The following SDK1 variants were observed in gnomAD, a reference collection of about 807,000 sequenced individuals.
SDK1 encodes the protein sidekick cell adhesion molecule 1, also known as protein sidekick-1.
A neutral mutation model predicts 245.5 loss-of-function variants in SDK1; 157 were observed. The observed-to-expected ratio is 0.64, with a 90% confidence interval of 0.56 to 0.73. The LOEUF (loss-of-function observed/expected upper bound fraction) is 0.73, where lower values mean the gene tolerates loss of function less well. Among genes scored for constraint, SDK1 ranks in the 30% least tolerant of loss-of-function variants. SDK1 has a pLI of 0.00. For synonymous variants in SDK1, 1,647 were observed against 1,278.5 expected, an observed-to-expected ratio of 1.29 and a Z score of -6.15; for missense variants, 3,583 against 3,002.3, an observed-to-expected ratio of 1.19 and a Z score of -4.52.
At chr7:3,834,363 C>G (rs998706590) in intron 5 of SDK1, among the ~76,000 whole-genome samples, 3 of 152,114 alleles carry the variant, frequency 2.0e-5, no homozygotes, top group African/African-American at 7.2e-5. Context: ...GGCTGGCGCA[C>G]CAGGAAATGA....
At chr7:3,913,851 T>G (rs1470388037) in intron 5 of SDK1, among the ~76,000 whole-genome samples, 1 of 152,170 alleles carries the variant, frequency 6.6e-6, no homozygotes, top group African/African-American at 2.4e-5. Flanking sequence ...ATTTTTTGCT[T>G]CACTAACCTT....
At chr7:4,220,862 C>A (rs1012139600) in intron 39 of SDK1, among the ~76,000 whole-genome samples, 1 of 151,968 alleles carries the variant, frequency 6.6e-6, no homozygotes, top group African/African-American at 2.4e-5. Context: ...GCCTCAACCT[C>A]CCCCGGCTGA....
chr7:4,135,713 C>T (rs1230975359), intron 28 of SDK1, among the ~76,000 whole-genome samples: 1 of 152,242 alleles, frequency 6.6e-6, no homozygotes. Flanking sequence ...TCGTGCCTCC[C>T]TCACTGGTTA....
chr7:3,640,917 C>CAG (rs1457463466), intron 3 of SDK1, among the ~76,000 whole-genome samples: 2 of 151,838 alleles, frequency 1.3e-5, no homozygotes, highest in African/African-American at 4.8e-5. Flanking sequence ...TTCCTGACCT[C>CAG]GTGATCCACC....
intron 4 of SDK1, among the ~76,000 whole-genome samples, chr7:3,654,575 C>T (rs964976117): frequency 1.3e-5 from 2 of 152,206 alleles, no homozygotes; most frequent in African/African-American, 2.4e-5. Flanking sequence ...CGCAGTTGGA[C>T]TTAATGAAGG....
Position 3,328,753 on chromosome 7 carries a change from T to C in SDK1, c.298+26869T>C, listed in dbSNP as rs1583689997. Among the ~76,000 whole-genome samples the C allele has an allele frequency of 2.0e-5, 3 of 152,126 alleles. No individual in the cohort carries two copies. In the East Asian group the frequency reaches 5.8e-4, roughly 29 times the overall value. The stretch of plus-strand genomic sequence containing the variant: ...AGAAATCTTTCCATGACCACACACA[T>C]AGATCTATTCTCCTTTTAGTGACTG... On this transcript the variant is annotated intron_variant, in intron 1 of 44. Transcript: ENST00000404826.
chr7:3,950,991 G>C lies in SDK1; in HGVS notation c.916G>C (p.Ala306Pro). Reference protein sequence around the residue: ...VVPPGNRSVVAGSSETTLECI... With the variant: ...VVPPGNRSVVPGSSETTLECI... ...TCCCCCGGGCAACAGAAGTGTGGTG[G>C]CTGGATCCAGTGAGACCACCTTGGA... Residue 306 changes from alanine to proline, a missense_variant, in exon 6 of 45, where the codon GCT becomes CCT. By Grantham distance (27) the Ala-to-Pro change is conservative. Transcript: ENST00000404826. The C allele has an allele frequency of 6.2e-7, 1 of 1,614,086 alleles. No individual in the cohort carries two copies. Among genetic ancestry groups the C allele is most frequent in the Non-Finnish European group, 8.5e-7 (1 of 1,179,988 alleles).
At chr7:3,783,797 T>A (rs1160226529) in intron 4 of SDK1, among the ~76,000 whole-genome samples, 1 of 152,132 alleles carries the variant, frequency 6.6e-6, no homozygotes, top group Non-Finnish European at 1.5e-5. Context: ...ACCCTACCAA[T>A]TCAGTGCAGT....
At chr7:3,514,305 G>A (rs1027191459) in intron 1 of SDK1, among the ~76,000 whole-genome samples, 27 of 152,112 alleles carry the variant, frequency 1.8e-4, no homozygotes, top group African/African-American at 5.8e-4. Context: ...GTGTCTTTAT[G>A]TGTGAATTTG....
intron 5 of SDK1, among the ~76,000 whole-genome samples, chr7:3,885,741 C>T (rs565877385): frequency 8.5e-5 from 13 of 152,286 alleles, no homozygotes; most frequent in African/African-American, 2.2e-4. Context: ...CCTGTGATGC[C>T]GCCATGCCAA....
intron 4 of SDK1, among the ~76,000 whole-genome samples, chr7:3,726,981 T>G (rs1779029303): frequency 6.6e-6 from 1 of 152,264 alleles, no homozygotes; most frequent in African/African-American, 2.4e-5. Context: ...AAACTGTAAT[T>G]GCCTGTCTTC....
intron 14 of SDK1, among the ~76,000 whole-genome samples, chr7:4,002,233 C>T (rs1196314521): frequency 3.9e-5 from 3 of 76,214 alleles, no homozygotes; most frequent in Admixed American, 3.5e-4. Flanking sequence ...GTGCCCGTCT[C>T]TGAGTCTGGG....
intron 4 of SDK1, among the ~76,000 whole-genome samples, chr7:3,701,755 G>A (rs1476786862): frequency 6.6e-6 from 1 of 152,058 alleles, no homozygotes; most frequent in Non-Finnish European, 1.5e-5. Context: ...TAAAAACTGT[G>A]ATATTGTTGT....
intron 5 of SDK1, among the ~76,000 whole-genome samples, chr7:3,938,615 C>T (rs1385023099): frequency 6.9e-6 from 1 of 144,096 alleles, no homozygotes; most frequent in Non-Finnish European, 1.5e-5. Context: ...CACTGCACTC[C>T]AGCCTGGGCG....
chr7:3,344,852 T>G (rs1205381500), intron 1 of SDK1, among the ~76,000 whole-genome samples: 6 of 152,144 alleles, frequency 3.9e-5, no homozygotes, highest in African/African-American at 1.2e-4. Flanking sequence ...TGGTGAGCCT[T>G]TGTAGTTAAT....
chr7:3,432,168 T>C (rs1779871283), intron 1 of SDK1, among the ~76,000 whole-genome samples: 1 of 149,080 alleles, frequency 6.7e-6, no homozygotes, highest in South Asian at 2.1e-4. Context: ...TATTTTTATA[T>C]ATATATATAT....
At chr7:3,682,280 T>C (rs1331982521) in intron 4 of SDK1, among the ~76,000 whole-genome samples, 1 of 152,216 alleles carries the variant, frequency 6.6e-6, no homozygotes, top group Admixed American at 6.5e-5. Context: ...ACAGCAGAGC[T>C]GACACACAAA....
intron 13 of SDK1, among the ~76,000 whole-genome samples, chr7:3,985,492 A>G (rs1783750851): frequency 6.6e-6 from 1 of 152,172 alleles, no homozygotes; most frequent in South Asian, 2.1e-4. Flanking sequence ...ACTCAAATAG[A>G]AATGACAGCT....
chr7:3,314,923 A>G (rs535724888), intron 1 of SDK1, among the ~76,000 whole-genome samples: 1 of 151,710 alleles, frequency 6.6e-6, no homozygotes, highest in Non-Finnish European at 1.5e-5. Context: ...ACTAAACCTC[A>G]TTTGGCCTGT....
Sources: allele counts gnomAD v4.1 joint callset (sites outside exome capture counted in the v4.1 genomes callset), GRCh38; gene constraint gnomAD v4.1.1; transcripts MANE v1.5; gene names NCBI Gene and HGNC (gene_info 2026-07-23, HGNC 2026-07-21).